GLIS1: variants seen among roughly 807,000 people sequenced by gnomAD.
GLIS1 encodes the protein GLIS family zinc finger 1, also known as zinc finger protein GLIS1.
In GLIS1, 24 loss-of-function variants were observed where a neutral mutation model predicts 63.8. That is an observed-to-expected ratio of 0.38 (90% CI 0.27 to 0.53). GLIS1 has a LOEUF of 0.53. Among genes scored for constraint, GLIS1 ranks in the 20% least tolerant of loss-of-function variants. The pLI, the probability that GLIS1 is intolerant of heterozygous loss-of-function variation, is 0.85. For missense variants in GLIS1, 1,036 were observed against 1,074.1 expected (o/e 0.96, Z 0.50); for synonymous variants, 450 against 482.5 (o/e 0.93, Z 0.88).
chr1:53,648,899 G>A (rs1645875437), intron 2 of GLIS1, among the ~76,000 whole-genome samples: 1 of 152,182 alleles, frequency 6.6e-6, no homozygotes, highest in Non-Finnish European at 1.5e-5. Context: ...CGTAAATACT[G>A]GGTCCACAGT....
intron 4 of GLIS1, among the ~76,000 whole-genome samples, chr1:53,545,344 G>C (rs918111838): frequency 2.2e-4 from 34 of 152,322 alleles, no homozygotes; most frequent in Non-Finnish European, 2.4e-4. Flanking sequence ...CAGGAAGGCA[G>C]TCTGGGCAGA....
At chr1:53,584,221 C>G (rs1052933548) in intron 4 of GLIS1, among the ~76,000 whole-genome samples, 1 of 152,208 alleles carries the variant, frequency 6.6e-6, no homozygotes, top group South Asian at 2.1e-4. Flanking sequence ...TCCACTCCCT[C>G]GGGGCACAGT....
At position 53,650,924 on chromosome 1, in the gene GLIS1, C is replaced by A. The variant is rs1645900479; in HGVS notation, c.260-50646G>T. Among the ~76,000 whole-genome samples the A allele has an allele frequency of 2.0e-5, 3 of 152,302 alleles. No homozygotes were observed. In the East Asian group the frequency reaches 5.8e-4, roughly 29 times the overall value. ...ACCATCCTCTCTCAGGCATCGAACA[C>A]TGGCCCAGGGAGCCCTGGATGTTGG... On this transcript the variant is annotated intron_variant, in intron 2 of 10. Coordinates refer to ENST00000628545, the MANE Select transcript of GLIS1 (RefSeq NM_001367484.1).
chr1:53,588,350 T>C (rs192629656), intron 4 of GLIS1, among the ~76,000 whole-genome samples: 3 of 152,298 alleles, frequency 2.0e-5, no homozygotes. Context: ...AGGCAAGTGT[T>C]TCAGGGGAAT....
At chr1:53,620,635 C>T (rs900607975) in intron 2 of GLIS1, among the ~76,000 whole-genome samples, 4 of 152,220 alleles carry the variant, frequency 2.6e-5, no homozygotes, top group South Asian at 2.1e-4. Flanking sequence ...GCAGCTGGGC[C>T]GGCCTGCAAA....
At chr1:53,662,413 G>A (rs1646038676) in intron 2 of GLIS1, among the ~76,000 whole-genome samples, 2 of 152,180 alleles carry the variant, frequency 1.3e-5, no homozygotes, top group Non-Finnish European at 2.9e-5. Flanking sequence ...TTTGTAAAAT[G>A]TAAATCCCAG....
At position 53,524,432 on chromosome 1, in the gene GLIS1, G is replaced by T. The variant is rs754541908; in HGVS notation, c.1593+345C>A. Among the ~76,000 whole-genome samples, 142 of 152,368 alleles carry T rather than the reference G, an allele frequency of 9.3e-4. 3 individuals are homozygous for T. The highest frequency in any genetic ancestry group is 3.4e-3 in the Middle Eastern group (1 of 294). On this transcript the variant is annotated intron_variant, in intron 6 of 10. Transcript: ENST00000628545. ...CTGCCAGGACACTGAAAGCGGGGAC[G>T]TGCTTTTTCATTTCTGCATCTTCCG...
intron 2 of GLIS1, among the ~76,000 whole-genome samples, chr1:53,608,242 C>T (rs1464207976): frequency 6.6e-5 from 10 of 152,178 alleles, no homozygotes; most frequent in East Asian, 1.9e-4. Flanking sequence ...GGAATATAGG[C>T]GTGAGCCACT....
intron 4 of GLIS1, among the ~76,000 whole-genome samples, chr1:53,591,850 T>G (rs1291352713): frequency 6.6e-6 from 1 of 152,232 alleles, no homozygotes; most frequent in Non-Finnish European, 1.5e-5. Context: ...CTTTGTTTCT[T>G]CATTTGTAAA....
chr1:53,696,124 A>G (rs1646462859), intron 2 of GLIS1, among the ~76,000 whole-genome samples: 1 of 152,248 alleles, frequency 6.6e-6, no homozygotes, highest in African/African-American at 2.4e-5. Flanking sequence ...CCCTCCCCTC[A>G]GGGAGCTGGC....
At chr1:53,716,796 C>T (rs745453650) in intron 2 of GLIS1, among the ~76,000 whole-genome samples, 5 of 151,880 alleles carry the variant, frequency 3.3e-5, no homozygotes, top group Non-Finnish European at 4.4e-5. Context: ...TTCTAGAAAC[C>T]GGCAGTAGAG....
chr1:53,702,221 A>T (rs1191281467), intron 2 of GLIS1, among the ~76,000 whole-genome samples: 2 of 152,058 alleles, frequency 1.3e-5, no homozygotes, highest in Non-Finnish European at 2.9e-5. Context: ...CTGGAACTCC[A>T]AGGTCACTGC....
chr1:53,588,573 T>A (rs541322200), intron 4 of GLIS1, among the ~76,000 whole-genome samples: 3 of 152,226 alleles, frequency 2.0e-5, no homozygotes, highest in Non-Finnish European at 4.4e-5. Context: ...CATTTCAGGA[T>A]CCTGGGTAAT....
At chr1:53,524,974 C>T (rs933752360) in intron 5 of GLIS1, 87 bp from the exon 6 acceptor site, 5 of 983,348 alleles carry the variant, frequency 5.1e-6, no homozygotes, top group Admixed American at 1.9e-5. Context: ...GGGAGGTGAC[C>T]AGGCGAGAGG....
chr1:53,647,829 TC>T (rs1175069722), intron 2 of GLIS1, among the ~76,000 whole-genome samples: 1 of 152,094 alleles, frequency 6.6e-6, no homozygotes, highest in Non-Finnish European at 1.5e-5. Context: ...AGGGCTTGGA[TC>T]TAGAATACAT....
At chr1:53,596,719 G>A (rs903009416) in intron 3 of GLIS1, among the ~76,000 whole-genome samples, 3 of 152,222 alleles carry the variant, frequency 2.0e-5, no homozygotes, top group Middle Eastern at 3.4e-3. Flanking sequence ...CCTGCAACTG[G>A]AGCAGCCCGA....
chr1:53,727,360 C>T (rs1460668962), intron 2 of GLIS1, among the ~76,000 whole-genome samples: 1 of 151,936 alleles, frequency 6.6e-6, no homozygotes, highest in Non-Finnish European at 1.5e-5. Flanking sequence ...TGGGTGTGGA[C>T]ACCAATCACC....
chr1:53,600,142 G>A lies in GLIS1; in HGVS notation c.396C>T (p.Pro132=). Residue 132 remains proline (P), a synonymous_variant, in exon 3 of 11, where the codon CCC becomes CCT. Transcript: ENST00000628545. The part of the protein sequence containing the change: ...PAGSPPPRAH[P]QACERLLHFP... Reference sequence around the variant, plus strand: ...AATGCAGCAGCCTCTCACAAGCTTGGGGGTGAGCCCGGGGCGGTGGGCTTC... The same window carrying A: ...AATGCAGCAGCCTCTCACAAGCTTGAGGGTGAGCCCGGGGCGGTGGGCTTC... 1 of 1,231,870 alleles carries A rather than the reference G, an allele frequency of 8.1e-7. No individual in the cohort carries two copies. 76.3% of individuals were successfully genotyped at this position (1,231,870 alleles called of 1,614,324 possible). A position where few individuals can be genotyped will look rare whatever the true frequency, so the allele number is the denominator to read the frequency against.
chr1:53,541,716 A>G (rs906322315), intron 4 of GLIS1, among the ~76,000 whole-genome samples: 7 of 152,240 alleles, frequency 4.6e-5, no homozygotes, highest in Admixed American at 3.9e-4. Flanking sequence ...AGGCAAACCC[A>G]TCCGGTGGCC....
Sources: allele counts gnomAD v4.1 joint callset (sites outside exome capture counted in the v4.1 genomes callset), GRCh38; gene constraint gnomAD v4.1.1; transcripts MANE v1.5; gene names NCBI Gene and HGNC (gene_info 2026-07-23, HGNC 2026-07-21).